SRGAP2B: variants seen among roughly 807,000 people sequenced by gnomAD.
SRGAP2B encodes the protein SLIT-ROBO Rho GTPase activating protein 2B, also known as SLIT-ROBO Rho GTPase-activating protein 2B.
SRGAP2B carries 9 observed loss-of-function variants against 22.2 expected under a neutral mutation model. That is an observed-to-expected ratio of 0.41 (90% CI 0.24 to 0.71). The LOEUF is 0.71. Ranked by LOEUF, SRGAP2B falls within the 30% of genes least tolerant of loss-of-function variation. The probability of loss-of-function intolerance (pLI) is 0.35; values close to 1 mark genes in which losing one functional copy is unlikely to be tolerated. For missense variants in SRGAP2B, 114 were observed against 235.8 expected (o/e 0.48, Z 3.38); for synonymous variants, 36 against 87.4 (o/e 0.41, Z 3.28).
At chr1:144,986,978 CT>C (rs1416342412) in intron 3 of SRGAP2B, among the ~76,000 whole-genome samples, 1 of 150,976 alleles carries the variant, frequency 6.6e-6, no homozygotes, top group Non-Finnish European at 1.5e-5. Flanking sequence ...TTTTCACCTT[CT>C]TTCTACAACT....
At chr1:144,971,704 T>A (rs1228568089) in intron 3 of SRGAP2B, among the ~76,000 whole-genome samples, 1 of 150,760 alleles carries the variant, frequency 6.6e-6, no homozygotes, top group Non-Finnish European at 1.5e-5. Context: ...AAGAATCATG[T>A]GCAAAGAGAA....
In SRGAP2B at chr1:144,983,856, C is replaced by G. The variant is rs1669496282; in HGVS notation, c.260+11152G>C. ...CCCCTCTGTGCACGTGTGCAAATCT[C>G]TACCAACAGCCAAAAAATCTCTTTA... is the stretch of plus-strand genomic sequence containing the variant. On this transcript the variant is annotated intron_variant, in intron 3 of 9. Coordinates refer to ENST00000612199, the Ensembl canonical transcript of SRGAP2B. Among the ~76,000 whole-genome samples the G allele has an allele frequency of 1.3e-5, 2 of 150,452 alleles. 1 individual carries two copies. The highest frequency in any genetic ancestry group is 5.0e-5 in the African/African-American group (2 of 40,022).
intron 2 of SRGAP2B, among the ~76,000 whole-genome samples, chr1:145,082,285 T>C (rs1427759085): frequency 7.0e-6 from 1 of 143,884 alleles, no homozygotes; most frequent in Non-Finnish European, 1.5e-5. Flanking sequence ...ATTTTCCTGC[T>C]TGTTCCTTAG....
chr1:144,964,655 G>A (rs1553611817), intron 3 of SRGAP2B, among the ~76,000 whole-genome samples: 1 of 151,164 alleles, frequency 6.6e-6, no homozygotes, highest in Non-Finnish European at 1.5e-5. Context: ...CTTGAACTAT[G>A]CTTAAGACAC....
intron 2 of SRGAP2B, among the ~76,000 whole-genome samples, chr1:145,048,564 AG>A (rs1650003953): frequency 7.4e-6 from 1 of 134,674 alleles, no homozygotes; most frequent in Admixed American, 8.0e-5. Flanking sequence ...GAACACATGC[AG>A]GAAAGACTAC....
At chr1:144,997,299 CA>C (rs1670762380) in intron 2 of SRGAP2B, among the ~76,000 whole-genome samples, 1 of 150,778 alleles carries the variant, frequency 6.6e-6, no homozygotes, top group South Asian at 2.1e-4. Context: ...GGCATGGTGG[CA>C]GGTGCCTGTG....
chr1:144,953,502 C>T (rs1256041813), intron 4 of SRGAP2B, among the ~76,000 whole-genome samples: 8 of 151,634 alleles, frequency 5.3e-5, no homozygotes, highest in Middle Eastern at 3.4e-3. Context: ...AGTTCTTCCT[C>T]ACGCTCTAGC....
At chr1:144,971,492 T>C (rs1272810092) in intron 3 of SRGAP2B, among the ~76,000 whole-genome samples, 1 of 150,354 alleles carries the variant, frequency 6.7e-6, no homozygotes, top group Non-Finnish European at 1.5e-5. Context: ...TACACGGGCA[T>C]GACCATGGTT....
Position 144,995,865 on chromosome 1 carries a change from T to C in SRGAP2B, c.68-665A>G, listed in dbSNP as rs587752014. ...GGGCAGGCAAACCATTCACTGTCAA[T>C]CAGATTTCACAGTTTCCAACATCAC... On this transcript the variant is annotated intron_variant, in intron 2 of 9. Coordinates refer to ENST00000612199, the Ensembl canonical transcript of SRGAP2B. Among the ~76,000 whole-genome samples the C allele has an allele frequency of 2.0e-5, 3 of 151,176 alleles. No individual in the cohort carries two copies. The East Asian group carries it at 5.8e-4, about 29-fold the overall frequency.
intron 2 of SRGAP2B, among the ~76,000 whole-genome samples, chr1:145,047,086 G>A (rs587597839): frequency 7.0e-6 from 1 of 142,244 alleles, no homozygotes; most frequent in African/African-American, 2.8e-5. Flanking sequence ...TGAGGCAGGA[G>A]AAACACTTGA....
rs1459875702 is a variant in SRGAP2B at position 145,080,370 on chromosome 1, T to C, written c.67+12465A>G. ...TCAACAAGTATCACTTCAACTGCTC[T>C]CCAGGCCAGCTGCCACTCTGGTACT... On this transcript the variant is annotated intron_variant, in intron 2 of 9. Transcript: ENST00000612199. 1.4e-4 allele frequency among the ~76,000 whole-genome samples: 21 copies of C among 147,686 alleles called. 1 individual carries two copies. Among genetic ancestry groups the C allele is most frequent in the African/African-American group, 5.0e-4 (19 of 38,342 alleles).
At chr1:145,006,205 G>A (rs1671578633) in intron 2 of SRGAP2B, among the ~76,000 whole-genome samples, 1 of 150,902 alleles carries the variant, frequency 6.6e-6, no homozygotes, top group Admixed American at 6.6e-5. Context: ...ACAGAGAAGT[G>A]GAGGCTTCAA....
chr1:144,966,727 T>A (rs1459097045), intron 3 of SRGAP2B, among the ~76,000 whole-genome samples: 1 of 147,298 alleles, frequency 6.8e-6, no homozygotes, highest in Non-Finnish European at 1.5e-5. Context: ...CCCATCAGTG[T>A]GCTGTATTCA....
At chr1:144,983,629 TA>T (rs1292883864) in intron 3 of SRGAP2B, among the ~76,000 whole-genome samples, 1 of 98,252 alleles carries the variant, frequency 1.0e-5, no homozygotes, top group Non-Finnish European at 2.0e-5. Context: ...TATTCTTCTC[TA>T]TCTCCAGTAC....
intron 3 of SRGAP2B, among the ~76,000 whole-genome samples, chr1:144,990,658 C>T (rs1426843141): frequency 1.3e-5 from 2 of 148,716 alleles, no homozygotes; most frequent in Admixed American, 6.7e-5. Context: ...GGGAGAGGCA[C>T]GAGCGGGAAC....
At chr1:145,001,567 C>CTATA (rs1553619818) in intron 2 of SRGAP2B, among the ~76,000 whole-genome samples, 1 of 149,732 alleles carries the variant, frequency 6.7e-6, no homozygotes, top group Non-Finnish European at 1.5e-5. Context: ...GTTATATGTG[C>CTATA]TATAACACAT....
intron 3 of SRGAP2B, among the ~76,000 whole-genome samples, chr1:144,984,355 A>ACAG (rs1298189407): frequency 7.7e-6 from 1 of 130,640 alleles, no homozygotes; most frequent in Non-Finnish European, 1.7e-5. Context: ...AACAACAACA[A>ACAG]CAACAACAAC....
intron 4 of SRGAP2B, among the ~76,000 whole-genome samples, chr1:144,922,965 G>A (rs587696168): frequency 1.9e-4 from 29 of 151,442 alleles, no homozygotes; most frequent in African/African-American, 3.4e-4. Flanking sequence ...TGTGAACTTC[G>A]TGGACTCAGC....
chr1:145,021,874 C>G (rs1185413496), intron 2 of SRGAP2B, among the ~76,000 whole-genome samples: 2 of 135,680 alleles, frequency 1.5e-5, no homozygotes, highest in African/African-American at 5.8e-5. Flanking sequence ...TAAAAGCCAA[C>G]AGCTTGGATA....
Sources: allele counts gnomAD v4.1 joint callset (sites outside exome capture counted in the v4.1 genomes callset), GRCh38; gene constraint gnomAD v4.1.1; transcripts MANE v1.5; gene names NCBI Gene and HGNC (gene_info 2026-07-23, HGNC 2026-07-21).